Variants in HDAC9 observed in about 807,000 individuals in gnomAD.
HDAC9 encodes MEF-2 interacting transcription repressor (MITR) protein.
A neutral mutation model predicts 139.4 loss-of-function variants in HDAC9; 41 were observed. The ratio of observed to expected loss-of-function variants is 0.29; its 90% CI spans 0.23 to 0.38. HDAC9 has a LOEUF of 0.38. Ranked by LOEUF, HDAC9 falls within the 10% of genes least tolerant of loss-of-function variation. The pLI is 1.00. For synonymous variants in HDAC9, 517 were observed against 476.2 expected (o/e 1.09, Z -1.12); for missense variants, 1,147 against 1,297.0 (o/e 0.88, Z 1.78).
intron 11 of HDAC9, among the ~76,000 whole-genome samples, chr7:18,656,758 T>A (rs1791340504): frequency 6.6e-6 from 1 of 152,176 alleles, no homozygotes; most frequent in Non-Finnish European, 1.5e-5. Context: ...GGAGTGCAGA[T>A]ATCTCTTTGA....
intron 2 of HDAC9, among the ~76,000 whole-genome samples, chr7:18,212,673 G>A (rs185947535): frequency 7.4e-4 from 112 of 152,282 alleles, no homozygotes; most frequent in African/African-American, 2.6e-3. Context: ...GACAGAGGAG[G>A]CATCTTTTCT....
chr7:18,857,098 TTTTCTC>T (rs1797738661), intron 21 of HDAC9, among the ~76,000 whole-genome samples: 1 of 152,196 alleles, frequency 6.6e-6, no homozygotes, highest in African/African-American at 2.4e-5. Context: ...ATTTTTATCT[TTTTCTC>T]TATGTGTCAT....
chr7:18,972,145 G>C (rs950451636), intron 24 of HDAC9, among the ~76,000 whole-genome samples: 1 of 152,120 alleles, frequency 6.6e-6, no homozygotes, highest in Non-Finnish European at 1.5e-5. Flanking sequence ...TTCTGCCATA[G>C]CAAATTTATT....
chr7:18,970,765 C>T (rs905733862), intron 24 of HDAC9, among the ~76,000 whole-genome samples: 4 of 151,444 alleles, frequency 2.6e-5, no homozygotes, highest in Non-Finnish European at 4.4e-5. Flanking sequence ...TATGAGAACC[C>T]GGTGTGTAAA....
intron 12 of HDAC9, among the ~76,000 whole-genome samples, chr7:18,696,853 GGCACTTATCAAACA>G (rs1482176890): frequency 1.5e-4 from 23 of 151,618 alleles, no homozygotes; most frequent in African/African-American, 5.6e-4. Flanking sequence ...CATTTGGTTT[GGCACTTATCAAACA>G]GAACAGAACA....
chr7:18,290,498 G>T (rs577424929), exon 1 of HDAC9: 1 of 456,598 alleles, frequency 2.2e-6, no homozygotes, highest in African/African-American at 2.0e-5. Flanking sequence ...GGCAAAGAGG[G>T]AATGCACAAC....
exon 2 of HDAC9, chr7:18,162,338 C>G: frequency 6.5e-7 from 1 of 1,535,214 alleles, no homozygotes; most frequent in Non-Finnish European, 8.7e-7. Flanking sequence ...ATGAGCTCAC[C>G]TGCACAGCCT....
intron 2 of HDAC9, among the ~76,000 whole-genome samples, chr7:18,214,783 C>A (rs1792182290): frequency 6.6e-6 from 1 of 152,076 alleles, no homozygotes; most frequent in Admixed American, 6.6e-5. Flanking sequence ...GGCATACCTG[C>A]AAATTCTGTC....
intron 2 of HDAC9, chr7:18,496,719 C>CT: frequency 6.1e-6 from 1 of 163,714 alleles, no homozygotes; most frequent in Admixed American, 6.3e-5. Flanking sequence ...TGCAGCCCCG[C>CT]TAGCCTGACG....
rs184575663 is a variant in HDAC9 at position 18,883,199 on chromosome 7, C to T, written c.2803+8603C>T. Among the ~76,000 whole-genome samples the T allele has an allele frequency of 3.9e-5, 6 of 152,154 alleles. No homozygotes were observed. In the East Asian group the frequency reaches 1.2e-3, roughly 29 times the overall value. On this transcript the variant is annotated intron_variant, in intron 22 of 25. Coordinates refer to ENST00000686413, the MANE Select transcript of HDAC9 (RefSeq NM_178425.4). ...ATATGCCAATGCAGAATAAATAGTC[C>T]AGTGATGCTTTTTTAGCAATTGACT... is the stretch of plus-strand genomic sequence containing the variant.
chr7:18,364,092 CTTT>C (rs774414287), intron 1 of HDAC9, among the ~76,000 whole-genome samples: 4 of 152,110 alleles, frequency 2.6e-5, no homozygotes, highest in Admixed American at 1.3e-4. Context: ...TTTTCTCCTT[CTTT>C]ATCACTTCTT....
intron 12 of HDAC9, among the ~76,000 whole-genome samples, chr7:18,705,572 T>G (rs1230941914): frequency 6.6e-6 from 1 of 152,028 alleles, no homozygotes; most frequent in African/African-American, 2.4e-5. Context: ...TGTTTTAGGC[T>G]GGGCACAGTG....
chr7:18,967,275 C>T (rs779885040), intron 24 of HDAC9, among the ~76,000 whole-genome samples: 13 of 152,162 alleles, frequency 8.5e-5, no homozygotes, highest in Middle Eastern at 3.4e-3. Context: ...AAAATGACTA[C>T]GATTAAAAAT....
intron 1 of HDAC9, among the ~76,000 whole-genome samples, chr7:18,096,883 TTGTGTGTGTGTGTGTG>T (rs59590063): frequency 2.9e-4 from 42 of 145,328 alleles, no homozygotes; most frequent in African/African-American, 1.0e-3. Context: ...CTTGTTGGCT[TTGTGTGTGTGTGTGTG>T]TGTGTGTGTG....
At position 18,591,475 on chromosome 7, in the gene HDAC9, ATGTGTGTGTGTG is replaced by A. The variant is rs36100341; in HGVS notation, c.416-19_416-8del. On this transcript the variant is annotated intron_variant, in intron 4 of 25. Transcript: ENST00000686413. Reference sequence around the variant, plus strand: ...CATCAACATCTGTTTCTGTGTGTGTATGTGTGTGTGTGTGTGTGTGTGTGTGTGTGTGTATTT... The same window carrying A: ...CATCAACATCTGTTTCTGTGTGTGTATGTGTGTGTGTGTGTGTGTGTATTT... 22 of 1,474,028 alleles carry A rather than the reference ATGTGTGTGTGTG, an allele frequency of 1.5e-5. No homozygotes were observed. In the South Asian group the frequency reaches 2.3e-4, roughly 15 times the overall value. The allele number at this position is 1,474,028 out of a possible 1,614,324, so 91.3% of individuals were successfully genotyped here. A position where few individuals can be genotyped will look rare whatever the true frequency, so the allele number is the denominator to read the frequency against.
chr7:18,198,156 T>C (rs901266594), intron 2 of HDAC9, among the ~76,000 whole-genome samples: 42 of 152,092 alleles, frequency 2.8e-4, no homozygotes, highest in African/African-American at 9.9e-4. Context: ...CTGTAATAGA[T>C]TAAATAAATC....
At chr7:18,234,756 A>G (rs1469751086) in intron 2 of HDAC9, among the ~76,000 whole-genome samples, 3 of 152,200 alleles carry the variant, frequency 2.0e-5, no homozygotes, top group Non-Finnish European at 4.4e-5. Context: ...GAGATAGTGG[A>G]ACAAAATCCC....
intron 2 of HDAC9, among the ~76,000 whole-genome samples, chr7:18,252,005 A>G (rs1794944831): frequency 6.6e-6 from 1 of 152,148 alleles, no homozygotes; most frequent in African/African-American, 2.4e-5. Context: ...CACTTCTATC[A>G]CTATCATGCA....
chr7:18,763,022 A>G (rs1207688800), intron 15 of HDAC9, among the ~76,000 whole-genome samples: 1 of 152,198 alleles, frequency 6.6e-6, no homozygotes, highest in African/African-American at 2.4e-5. Context: ...GTGAATAACA[A>G]TATCTAACAT....
Sources: gnomAD v4.1 joint callset for allele counts (sites outside exome capture counted in the v4.1 genomes callset) on GRCh38, gnomAD v4.1.1 for gene constraint, MANE v1.5 for transcripts, NCBI Gene and HGNC (gene_info 2026-07-23, HGNC 2026-07-21) for gene names.